Variants in PDE1C observed in about 807,000 individuals in gnomAD.
PDE1C encodes phosphodiesterase 1C, also known as dual specificity calcium/calmodulin-dependent 3',5'-cyclic nucleotide phosphodiesterase 1C.
PDE1C carries 62 observed loss-of-function variants against 93.1 expected under a neutral mutation model. The ratio of observed to expected loss-of-function variants is 0.67; its 90% CI spans 0.54 to 0.82. PDE1C has a LOEUF of 0.82. PDE1C is among the 40% of genes least tolerant of loss of function. PDE1C has a pLI of 0.00. For missense variants in PDE1C, 742 were observed against 884.6 expected (o/e 0.84, Z 2.04); for synonymous variants, 325 against 310.1 (o/e 1.05, Z -0.50).
At chr7:31,633,511 C>T in the PDE1C span, among the ~76,000 whole-genome samples, 2,069 of 152,300 alleles carry the variant, frequency 0.014, 56 homozygotes, top group African/African-American at 0.047. Context: ...TTCTACAAAA[C>T]ATTGAAAATT....
At chr7:32,262,005 ATTTTTTTTTTTTTTTTT>A (rs11325736) in intron 1 of PDE1C, among the ~76,000 whole-genome samples, 1 of 89,778 alleles carries the variant, frequency 1.1e-5, no homozygotes, top group East Asian at 3.3e-4. Context: ...TTGCTTTGGG[ATTTTTTTTTTTTTTTTT>A]TTTTTTTTTA....
chr7:31,787,092 C>T (rs566450399), intron 16 of PDE1C: 2 of 152,220 alleles, frequency 1.3e-5, no homozygotes, highest in African/African-American at 4.8e-5. Context: ...TTTGGATTAC[C>T]GTCTCACATC....
chr7:31,912,738 A>G (rs942704557), intron 2 of PDE1C, among the ~76,000 whole-genome samples: 1 of 151,976 alleles, frequency 6.6e-6, no homozygotes, highest in East Asian at 1.9e-4. Flanking sequence ...TGGCATGGGG[A>G]ATTAGTTCCC....
chr7:31,700,867 T>A, the PDE1C span, among the ~76,000 whole-genome samples: 5 of 152,194 alleles, frequency 3.3e-5, no homozygotes, highest in Middle Eastern at 3.2e-3. Context: ...CATAATTTAC[T>A]GAATAATTTA....
chr7:32,006,645 T>C (rs765371636), intron 2 of PDE1C, among the ~76,000 whole-genome samples: 8 of 152,194 alleles, frequency 5.3e-5, no homozygotes, highest in African/African-American at 9.7e-5. Flanking sequence ...AATGTTTTTC[T>C]TCTACTCATA....
chr7:32,367,867 C>A (rs1309059314), intron 1 of PDE1C, among the ~76,000 whole-genome samples: 1 of 151,846 alleles, frequency 6.6e-6, no homozygotes, highest in Admixed American at 6.6e-5. Context: ...TGCTTGAGCC[C>A]AGGAGGTCAA....
intron 2 of PDE1C, among the ~76,000 whole-genome samples, chr7:32,201,889 G>A (rs1260794601): frequency 6.6e-6 from 1 of 152,112 alleles, no homozygotes. Flanking sequence ...CAATGCCTTT[G>A]GTTACTCTCC....
chr7:31,688,225 AT>A, the PDE1C span, among the ~76,000 whole-genome samples: 1 of 152,190 alleles, frequency 6.6e-6, no homozygotes, highest in South Asian at 2.1e-4. Flanking sequence ...ATCTTCCCCC[AT>A]TTAACAGATT....
chr7:32,403,687 A>G (rs963773374), intron 1 of PDE1C, among the ~76,000 whole-genome samples: 1 of 152,162 alleles, frequency 6.6e-6, no homozygotes, highest in Non-Finnish European at 1.5e-5. Flanking sequence ...ATTCAATTTG[A>G]TTCAATTCAA....
intron 2 of PDE1C, among the ~76,000 whole-genome samples, chr7:31,896,356 T>C (rs962959844): frequency 6.6e-6 from 1 of 152,172 alleles, no homozygotes; most frequent in African/African-American, 2.4e-5. Context: ...CCAAACTACG[T>C]GAATTTATTA....
chr7:31,718,971 C>T, the PDE1C span, among the ~76,000 whole-genome samples: 1 of 152,272 alleles, frequency 6.6e-6, no homozygotes, highest in East Asian at 1.9e-4. Context: ...CAGTTACCAG[C>T]ATGGGACTGC....
chr7:31,673,594 T>C, the PDE1C span, among the ~76,000 whole-genome samples: 1 of 152,206 alleles, frequency 6.6e-6, no homozygotes, highest in Non-Finnish European at 1.5e-5. Context: ...CTTTTTTACA[T>C]TCAAAGATTT....
chr7:31,844,931 T>G (rs1792364524), intron 9 of PDE1C, among the ~76,000 whole-genome samples: 1 of 152,164 alleles, frequency 6.6e-6, no homozygotes, highest in African/African-American at 2.4e-5. Flanking sequence ...GTCTTCTCTA[T>G]CATGCACTAA....
intron 3 of PDE1C, among the ~76,000 whole-genome samples, chr7:32,079,887 T>G (rs1392520588): frequency 6.6e-6 from 1 of 152,196 alleles, no homozygotes; most frequent in Non-Finnish European, 1.5e-5. Flanking sequence ...CACCTCTTGA[T>G]GCAGGGTGTG....
In PDE1C at chr7:31,992,299, A is replaced by T. The variant is rs181433934; in HGVS notation, c.128+59255T>A. ...CCAGGAGTCCATATCTAGCCAAGGA[A>T]GCAATGTTCCTAAAGAGGATACCAG... On this transcript the variant is annotated intron_variant, in intron 2 of 17. Coordinates refer to ENST00000396191, the MANE Select transcript of PDE1C (RefSeq NM_001191057.4). Among the ~76,000 whole-genome samples the T allele has an allele frequency of 5.3e-4, 81 of 152,360 alleles. 1 individual carries two copies. Among genetic ancestry groups the T allele is most frequent in the African/African-American group, 1.9e-3 (78 of 41,588 alleles).
At chr7:32,069,347 G>A (rs993792453) in intron 1 of PDE1C, among the ~76,000 whole-genome samples, 50 of 152,264 alleles carry the variant, frequency 3.3e-4, no homozygotes, top group Admixed American at 3.2e-3. Flanking sequence ...CAGTGCCCTT[G>A]TTAGAAACAG....
chr7:31,990,373 G>A (rs957648020), intron 2 of PDE1C, among the ~76,000 whole-genome samples: 12 of 151,936 alleles, frequency 7.9e-5, no homozygotes, highest in Admixed American at 6.6e-5. Flanking sequence ...CTCTTCATTC[G>A]CCTTCCGCCA....
the PDE1C span, among the ~76,000 whole-genome samples, chr7:31,639,984 A>G: frequency 2.0e-5 from 3 of 152,276 alleles, no homozygotes; most frequent in East Asian, 5.8e-4. Context: ...TTTTTAATAT[A>G]TGCCACACAT....
chr7:31,962,951 G>C (rs761463735), intron 2 of PDE1C, among the ~76,000 whole-genome samples: 1 of 152,138 alleles, frequency 6.6e-6, no homozygotes, highest in African/African-American at 2.4e-5. Flanking sequence ...CCTGTGACCA[G>C]GTCAACTCCC....
Sources: gnomAD v4.1 joint callset for allele counts (sites outside exome capture counted in the v4.1 genomes callset) on GRCh38, gnomAD v4.1.1 for gene constraint, MANE v1.5 for transcripts, NCBI Gene and HGNC (gene_info 2026-07-23, HGNC 2026-07-21) for gene names.